Variants in WDPCP observed in about 807,000 individuals in gnomAD.
WDPCP encodes the protein WD repeat-containing and planar cell polarity effector protein fritz homolog.
In WDPCP, 71 loss-of-function variants were observed where a neutral mutation model predicts 93.1. The observed-to-expected ratio is 0.76, with a 90% CI of 0.63 to 0.93. The LOEUF (loss-of-function observed/expected upper bound fraction) is 0.93. Among genes scored for constraint, WDPCP ranks in the 40% least tolerant of loss-of-function variants. WDPCP has a pLI of 0.00. For missense variants in WDPCP, 844 were observed against 887.4 expected (o/e 0.95, Z 0.62); for synonymous variants, 315 against 315.0 (o/e 1.00, Z 0.00).
intron 9 of WDPCP, among the ~76,000 whole-genome samples, chr2:63,424,636 C>T (rs1050083279): frequency 6.6e-6 from 1 of 152,198 alleles, no homozygotes; most frequent in Non-Finnish European, 1.5e-5. Flanking sequence ...CAGCACACAG[C>T]TCAGGGGAGC....
At position 63,407,162 on chromosome 2, in the gene WDPCP, C is replaced by G. The variant is rs373848217; in HGVS notation, c.826-2505G>C. Among the ~76,000 whole-genome samples the G allele has an allele frequency of 2.0e-5, 3 of 151,982 alleles. No homozygotes were observed. In the East Asian group the frequency reaches 5.8e-4, roughly 29 times the overall value. On this transcript the variant is annotated intron_variant, in intron 9 of 17. Coordinates refer to ENST00000272321, the MANE Select transcript of WDPCP (RefSeq NM_015910.7). ...GGGGTGTGATACAGAGAGATCGAGA[C>G]AGACCTCTCTCATAAAGGTGACCTG... is the stretch of plus-strand genomic sequence containing the variant.
intron 1 of WDPCP, among the ~76,000 whole-genome samples, chr2:63,814,654 C>G (rs1305743720): frequency 6.6e-6 from 1 of 152,160 alleles, no homozygotes; most frequent in African/African-American, 2.4e-5. Flanking sequence ...ATAATATTAT[C>G]TGGTTAATAA....
intron 9 of WDPCP, among the ~76,000 whole-genome samples, chr2:63,420,966 C>T (rs1393856868): frequency 6.6e-6 from 1 of 152,096 alleles, no homozygotes; most frequent in African/African-American, 2.4e-5. Context: ...GCACATGGGC[C>T]AGTTTTTCTT....
chr2:63,249,772 A>T (rs1680571247), intron 14 of WDPCP, among the ~76,000 whole-genome samples: 1 of 152,180 alleles, frequency 6.6e-6, no homozygotes, highest in Non-Finnish European at 1.5e-5. Flanking sequence ...TATATGTTCA[A>T]AGACCCCCAG....
intron 14 of WDPCP, among the ~76,000 whole-genome samples, chr2:63,207,737 T>C (rs939118896): frequency 6.6e-6 from 1 of 152,190 alleles, no homozygotes. Context: ...TTCCAGGTCA[T>C]GATGTGCTCT....
chr2:63,684,623 AAACGC>A, intron 2 of WDPCP: 1 of 713,916 alleles, frequency 1.4e-6, no homozygotes. Flanking sequence ...TCCTGCTCTT[AAACGC>A]AAGGCCTGAC....
At chr2:63,840,264 G>A in the WDPCP span, among the ~76,000 whole-genome samples, 1 of 152,216 alleles carries the variant, frequency 6.6e-6, no homozygotes, top group Non-Finnish European at 1.5e-5. Context: ...GACAAGCCGT[G>A]GGCTGGCCCT....
intron 2 of WDPCP, among the ~76,000 whole-genome samples, chr2:63,663,002 T>C (rs1305835933): frequency 6.6e-6 from 1 of 152,170 alleles, no homozygotes; most frequent in Non-Finnish European, 1.5e-5. Flanking sequence ...GACAAAAAGC[T>C]CACCAGCCAT....
chr2:63,571,522 T>C (rs1275355259), intron 1 of WDPCP: 8 of 470,224 alleles, frequency 1.7e-5, no homozygotes, highest in Non-Finnish European at 3.1e-5. Context: ...ACTCCCTCTT[T>C]CCAAGTATAG....
chr2:63,145,433 C>G (rs1362374477), intron 17 of WDPCP, among the ~76,000 whole-genome samples: 1 of 152,076 alleles, frequency 6.6e-6, no homozygotes, highest in Non-Finnish European at 1.5e-5. Flanking sequence ...TCTTGCTGTG[C>G]CTGCTGTGGC....
intron 2 of WDPCP, among the ~76,000 whole-genome samples, chr2:63,747,319 C>T (rs1669814503): frequency 6.6e-6 from 1 of 152,094 alleles, no homozygotes; most frequent in African/African-American, 2.4e-5. Context: ...TTCAATCTTT[C>T]ACCTGTTTGT....
chr2:63,366,404 C>G (rs1690908361), intron 12 of WDPCP, among the ~76,000 whole-genome samples: 1 of 151,870 alleles, frequency 6.6e-6, no homozygotes, highest in Non-Finnish European at 1.5e-5. Flanking sequence ...CTTTGAGAGG[C>G]AATAATGAAA....
At chr2:63,736,673 C>T (rs1669643859) in intron 2 of WDPCP, among the ~76,000 whole-genome samples, 1 of 152,086 alleles carries the variant, frequency 6.6e-6, no homozygotes. Context: ...GTTATTTTTC[C>T]TCTGGAATAA....
chr2:63,626,711 AT>A (rs1447357585), intron 3 of WDPCP, among the ~76,000 whole-genome samples: 3 of 152,160 alleles, frequency 2.0e-5, no homozygotes, highest in Non-Finnish European at 2.9e-5. Flanking sequence ...AACAGGAACG[AT>A]TTTACACTGT....
chr2:63,792,271 C>A (rs939372319), intron 2 of WDPCP, among the ~76,000 whole-genome samples: 1 of 152,156 alleles, frequency 6.6e-6, no homozygotes, highest in Non-Finnish European at 1.5e-5. Context: ...GAAAAGAAAG[C>A]AGTCATGTTT....
In WDPCP at chr2:63,549,750, G is replaced by C. The variant is rs1201726863; in HGVS notation, c.75+38447C>G. Among the ~76,000 whole-genome samples, 3 of 152,174 alleles carry C rather than the reference G, an allele frequency of 2.0e-5. No individual in the cohort carries two copies. The South Asian group carries it at 6.2e-4, about 32-fold the overall frequency. On this transcript the variant is annotated intron_variant, in intron 1 of 17. Transcript: ENST00000272321. ...CACTGCAACTCCATCCTGGACGACA[G>C]AGTGAGACTCCATCTCAAAAAAACA...
chr2:63,709,298 G>T (rs540135042), intron 2 of WDPCP, among the ~76,000 whole-genome samples: 2 of 152,064 alleles, frequency 1.3e-5, no homozygotes, highest in East Asian at 3.9e-4. Flanking sequence ...CTGGGTAACA[G>T]ACCGAAACTC....
chr2:63,781,388 T>C (rs910973098), intron 2 of WDPCP, among the ~76,000 whole-genome samples: 2 of 152,198 alleles, frequency 1.3e-5, no homozygotes, highest in Non-Finnish European at 2.9e-5. Flanking sequence ...TGGGGTGACT[T>C]GGGAAGAGAA....
At chr2:63,686,727 A>T (rs967167570) in intron 2 of WDPCP, among the ~76,000 whole-genome samples, 1 of 152,236 alleles carries the variant, frequency 6.6e-6, no homozygotes, top group Non-Finnish European at 1.5e-5. Context: ...ACAAACACAT[A>T]GACTAAAGGC....
Sources: allele counts gnomAD v4.1 joint callset (sites outside exome capture counted in the v4.1 genomes callset), GRCh38; gene constraint gnomAD v4.1.1; transcripts MANE v1.5; gene names NCBI Gene and HGNC (gene_info 2026-07-23, HGNC 2026-07-21).